SLCO1C1: variants seen among roughly 807,000 people sequenced by gnomAD.
The protein encoded by SLCO1C1 is OAT-RP-5.
A neutral mutation model predicts 76.4 loss-of-function variants in SLCO1C1; 70 were observed. The ratio of observed to expected loss-of-function variants is 0.92; its 90% CI spans 0.76 to 1.12. The LOEUF (loss-of-function observed/expected upper bound fraction) is 1.12. Among genes scored for constraint, SLCO1C1 ranks in the 50% most tolerant of loss-of-function variants. The pLI, the probability that SLCO1C1 is intolerant of heterozygous loss-of-function variation, is 0.00. For missense variants in SLCO1C1, 912 were observed against 823.8 expected (o/e 1.11, Z -1.31); for synonymous variants, 306 against 286.1 (o/e 1.07, Z -0.70).
intron 3 of SLCO1C1, among the ~76,000 whole-genome samples, chr12:20,702,899 T>A (rs1326551166): frequency 6.6e-6 from 1 of 151,918 alleles, no homozygotes; most frequent in Non-Finnish European, 1.5e-5. Context: ...AGAAATGATT[T>A]GGTCCAAAGT....
At chr12:20,709,675 A>T (rs1592237388) in intron 4 of SLCO1C1, among the ~76,000 whole-genome samples, 1 of 16,486 alleles carries the variant, frequency 6.1e-5, no homozygotes, top group African/African-American at 1.7e-4. Flanking sequence ...AGGTCAGGAG[A>T]TCGAGACCAT....
intron 7 of SLCO1C1, among the ~76,000 whole-genome samples, chr12:20,720,375 A>G (rs900708780): frequency 6.6e-6 from 1 of 152,212 alleles, no homozygotes; most frequent in Non-Finnish European, 1.5e-5. Context: ...TTATTATTTA[A>G]GAAACGTATT....
chr12:20,708,991 G>A (rs778243432), intron 4 of SLCO1C1, among the ~76,000 whole-genome samples: 1 of 152,134 alleles, frequency 6.6e-6, no homozygotes, highest in Non-Finnish European at 1.5e-5. Flanking sequence ...TAAGCAGAGT[G>A]ACATGATCTT....
chr12:20,732,047 T>A (rs1294810499), intron 9 of SLCO1C1, among the ~76,000 whole-genome samples: 1 of 152,232 alleles, frequency 6.6e-6, no homozygotes, highest in African/African-American at 2.4e-5. Context: ...CCAGGCAAGC[T>A]GGGTCTCCAG....
At chr12:20,739,838 A>G (rs769486747) in intron 11 of SLCO1C1, among the ~76,000 whole-genome samples, 6 of 152,178 alleles carry the variant, frequency 3.9e-5, no homozygotes, top group Non-Finnish European at 7.3e-5. Context: ...ATTGGAAACA[A>G]GTTGCGCATA....
Position 20,722,096 on chromosome 12 carries a change from G to A in SLCO1C1, c.1021+47G>A, listed in dbSNP as rs773374673. 6.4e-6 allele frequency: 10 copies of A among 1,564,466 alleles called. No individual in the cohort carries two copies. The South Asian group carries it at 7.2e-5, about 11-fold the overall frequency. On this transcript the variant is annotated intron_variant, in intron 8 of 14. Transcript: ENST00000266509. Reference sequence around the variant, plus strand: ...GAAGTATTTTCATTTTTCTGTTGGGGCTTAAGGAGATTTATAAATTACATC... The same window carrying A: ...GAAGTATTTTCATTTTTCTGTTGGGACTTAAGGAGATTTATAAATTACATC...
intron 9 of SLCO1C1, among the ~76,000 whole-genome samples, chr12:20,730,039 C>T (rs903683376): frequency 1.6e-4 from 25 of 152,092 alleles, no homozygotes; most frequent in African/African-American, 5.3e-4. Flanking sequence ...GAATCCAATA[C>T]GGCACATAGG....
At position 20,751,681 on chromosome 12, in the gene SLCO1C1, CTCAA is replaced by C. The variant is rs370214253; in HGVS notation, c.1917-621_1917-618del. Among the ~76,000 whole-genome samples, 196 of 152,220 alleles carry C rather than the reference CTCAA, an allele frequency of 1.3e-3. 6 individuals are homozygous for C. In the South Asian group the frequency reaches 0.039, roughly 31 times the overall value. On this transcript the variant is annotated intron_variant, in intron 14 of 14. Coordinates refer to ENST00000266509, the MANE Select transcript of SLCO1C1 (RefSeq NM_017435.5). ...TAACTGTAATGTAGAGACAATGCAACTCAATCAGAGATTGAGAGTATGTTTTCAA... is the reference window on the plus strand; with the variant it reads ...TAACTGTAATGTAGAGACAATGCAACTCAGAGATTGAGAGTATGTTTTCAA...
chr12:20,732,870 T>G, intron 9 of SLCO1C1, 39 bp from the exon 10 acceptor site: 2 of 1,604,350 alleles, frequency 1.2e-6, no homozygotes, highest in Non-Finnish European at 1.7e-6. Flanking sequence ...AAATCTTTTT[T>G]AGAGATTCAC....
At chr12:20,718,462 G>A (rs1326677492) in intron 7 of SLCO1C1, among the ~76,000 whole-genome samples, 1 of 152,144 alleles carries the variant, frequency 6.6e-6, no homozygotes, top group Non-Finnish European at 1.5e-5. Context: ...AACTTTTTAT[G>A]ACGAATAAGA....
chr12:20,733,528 T>A (rs935393882), intron 10 of SLCO1C1, among the ~76,000 whole-genome samples: 4 of 152,186 alleles, frequency 2.6e-5, no homozygotes, highest in African/African-American at 9.6e-5. Context: ...CTAACATACA[T>A]GAAAGTGAAT....
intron 5 of SLCO1C1, among the ~76,000 whole-genome samples, chr12:20,713,279 C>A (rs1415016287): frequency 1.3e-5 from 2 of 151,800 alleles, no homozygotes; most frequent in Non-Finnish European, 2.9e-5. Context: ...CGGGGTTTCA[C>A]CTTGTTAGCC....
intron 3 of SLCO1C1, among the ~76,000 whole-genome samples, chr12:20,705,600 A>G (rs1946734953): frequency 6.6e-6 from 1 of 151,472 alleles, no homozygotes; most frequent in Non-Finnish European, 1.5e-5. Context: ...TAAAGAAAAA[A>G]TAAGAAGTTT....
At chr12:20,717,316 CT>C in intron 7 of SLCO1C1, 86 bp downstream of exon 7, 1 of 1,076,852 alleles carries the variant, frequency 9.3e-7, no homozygotes. Context: ...ATCAAATTGC[CT>C]TTTTATAAAA....
At chr12:20,745,793 C>A (rs1454161281) in intron 13 of SLCO1C1, among the ~76,000 whole-genome samples, 2 of 151,246 alleles carry the variant, frequency 1.3e-5, no homozygotes, top group Admixed American at 1.3e-4. Context: ...CCACTGCACT[C>A]CAGCCTGGGT....
At chr12:20,743,830 T>A (rs11045428) in intron 13 of SLCO1C1, among the ~76,000 whole-genome samples, 66,150 of 151,810 alleles carry the variant, frequency 0.44, 17,144 homozygotes, top group South Asian at 0.63. Flanking sequence ...ATTTAAACCA[T>A]GCAAATAAAT....
In SLCO1C1 at chr12:20,705,960, G is replaced by A. The variant is rs368631619; in HGVS notation, c.283G>A (p.Val95Ile). ...DGSFEIGNLL[V>I]ITFVSYFGAK... ...TCTTTTCCTCAAAGGGAATCTCTTA[G>A]TTATAACATTTGTTAGCTACTTTGG... The change falls in exon 4 of 15, where the codon GTT becomes ATT. Residue 95 changes from valine (V) to isoleucine (I), a missense_variant. Val to Ile is a conservative substitution (Grantham distance 29). Coordinates refer to ENST00000266509, the MANE Select transcript of SLCO1C1 (RefSeq NM_017435.5). The A allele has an allele frequency of 5.2e-5, 84 of 1,612,914 alleles. No homozygotes were observed. The highest frequency in any genetic ancestry group is 7.0e-5 in the Non-Finnish European group (83 of 1,179,276).
chr12:20,751,015 TC>T (rs1949279135), intron 14 of SLCO1C1: 2 of 839,398 alleles, frequency 2.4e-6, no homozygotes, highest in African/African-American at 3.4e-5. Flanking sequence ...AAATGAGTAA[TC>T]ATTTTTAAAA....
chr12:20,701,218 G>T, intron 2 of SLCO1C1, 100 bp from the exon 3 acceptor site: 1 of 1,187,274 alleles, frequency 8.4e-7, no homozygotes, highest in Non-Finnish European at 1.1e-6. Context: ...ATTATACATT[G>T]TTCTTTGTTG....
Sources: gnomAD v4.1 joint callset for allele counts (sites outside exome capture counted in the v4.1 genomes callset) on GRCh38, gnomAD v4.1.1 for gene constraint, MANE v1.5 for transcripts, NCBI Gene and HGNC (gene_info 2026-07-23, HGNC 2026-07-21) for gene names.